The following SVIL variants were observed in gnomAD, a reference collection of about 807,000 sequenced individuals.
The protein encoded by SVIL is archvillin.
A neutral mutation model predicts 240.4 loss-of-function variants in SVIL; 101 were observed. The ratio of observed to expected loss-of-function variants is 0.42; its 90% CI spans 0.36 to 0.50. The LOEUF (loss-of-function observed/expected upper bound fraction) is 0.50. Ranked by LOEUF, SVIL falls within the 20% of genes least tolerant of loss-of-function variation. The pLI, the probability that SVIL is intolerant of heterozygous loss-of-function variation, is 0.01. For synonymous variants in SVIL, 999 were observed against 1,100.0 expected, an observed-to-expected ratio of 0.91 and a Z score of 1.82; for missense variants, 2,512 against 2,818.7, an observed-to-expected ratio of 0.89 and a Z score of 2.46.
At chr10:29,518,402 A>C (rs898506448) in intron 16 of SVIL, among the ~76,000 whole-genome samples, 2 of 151,978 alleles carry the variant, frequency 1.3e-5, no homozygotes, top group Non-Finnish European at 2.9e-5. Context: ...AAATAAACAA[A>C]TAAATAAATA....
intron 33 of SVIL, 144 bp from the exon 34 acceptor site, chr10:29,465,894 CT>C (rs1944852992): frequency 4.9e-6 from 5 of 1,011,224 alleles, no homozygotes; most frequent in Non-Finnish European, 1.4e-6. Flanking sequence ...TGGAGAAAGC[CT>C]TTTCAAGTGC....
intron 2 of SVIL, among the ~76,000 whole-genome samples, chr10:29,567,053 A>AT (rs1955031394): frequency 6.6e-6 from 1 of 151,962 alleles, no homozygotes; most frequent in Non-Finnish European, 1.5e-5. Flanking sequence ...CACCTTTTGG[A>AT]TTTTTTTCCA....
intron 22 of SVIL, among the ~76,000 whole-genome samples, chr10:29,489,651 G>A (rs977888443): frequency 6.6e-6 from 1 of 152,076 alleles, no homozygotes; most frequent in African/African-American, 2.4e-5. Context: ...GGGGTTTAGT[G>A]ATCCTCCCAC....
chr10:29,495,669 T>G (rs1345416538), intron 18 of SVIL, among the ~76,000 whole-genome samples: 1 of 152,150 alleles, frequency 6.6e-6, no homozygotes, highest in Admixed American at 6.5e-5. Flanking sequence ...GGCCAACCTT[T>G]CAGAAGAAAT....
chr10:29,459,968 G>A (rs1239816094), intron 36 of SVIL, among the ~76,000 whole-genome samples: 1 of 152,110 alleles, frequency 6.6e-6, no homozygotes, highest in Non-Finnish European at 1.5e-5. Context: ...GTGTGCACCT[G>A]TAGTCCTACC....
At chr10:29,732,649 C>T (rs1019513904) in intron 1 of SVIL, among the ~76,000 whole-genome samples, 4 of 152,152 alleles carry the variant, frequency 2.6e-5, no homozygotes, top group African/African-American at 9.7e-5. Context: ...GTCTCAAACT[C>T]TCCTTCCTCT....
upstream of SVIL, among the ~76,000 whole-genome samples, chr10:29,635,765 C>A (rs148206936): frequency 6.6e-6 from 1 of 152,170 alleles, no homozygotes; most frequent in Non-Finnish European, 1.5e-5. Context: ...CTGTCCCTGT[C>A]GGTACCAAGA....
At chr10:29,734,948 T>C (rs1013057787) in intron 1 of SVIL, among the ~76,000 whole-genome samples, 20 of 152,148 alleles carry the variant, frequency 1.3e-4, no homozygotes, top group Non-Finnish European at 1.5e-5. Context: ...GAACTTCTCA[T>C]TGCAATAAAC....
At chr10:29,488,379 T>C (rs1231682183) in intron 23 of SVIL, among the ~76,000 whole-genome samples, 2 of 152,192 alleles carry the variant, frequency 1.3e-5, no homozygotes, top group African/African-American at 4.8e-5. Context: ...TCCAGACACG[T>C]TCCTGCCTCT....
intron 1 of SVIL, among the ~76,000 whole-genome samples, chr10:29,622,102 T>G (rs1158263679): frequency 6.6e-6 from 1 of 150,442 alleles, no homozygotes; most frequent in Non-Finnish European, 1.5e-5. Flanking sequence ...TACAAAAAAT[T>G]AGCCGGGCGT....
chr10:29,678,899 T>C (rs1490931222), intron 2 of SVIL, among the ~76,000 whole-genome samples: 1 of 152,140 alleles, frequency 6.6e-6, no homozygotes, highest in Non-Finnish European at 1.5e-5. Flanking sequence ...TAGCAGCCTG[T>C]GTATAAAATT....
At chr10:29,704,583 T>C (rs1453500806) in intron 1 of SVIL, among the ~76,000 whole-genome samples, 2 of 152,164 alleles carry the variant, frequency 1.3e-5, no homozygotes. Context: ...TCATGTAGAG[T>C]AGGTCTCAAT....
chr10:29,499,659 C>T (rs1948723906), intron 17 of SVIL, among the ~76,000 whole-genome samples: 2 of 152,216 alleles, frequency 1.3e-5, no homozygotes, highest in African/African-American at 2.4e-5. Flanking sequence ...TCCCTATATA[C>T]TCACAAAGAA....
At chr10:29,673,448 A>G (rs928720412) in intron 2 of SVIL, among the ~76,000 whole-genome samples, 5 of 152,030 alleles carry the variant, frequency 3.3e-5, no homozygotes, top group African/African-American at 4.8e-5. Context: ...GAACTACCTG[A>G]GACTGAGTAA....
At chr10:29,602,047 G>A (rs1038328241) in intron 1 of SVIL, among the ~76,000 whole-genome samples, 2 of 152,128 alleles carry the variant, frequency 1.3e-5, no homozygotes, top group African/African-American at 2.4e-5. Context: ...TGGTATCTAC[G>A]TGAAAGATTT....
At chr10:29,463,468 C>T in intron 35 of SVIL, 24 bp downstream of exon 35, 1 of 1,610,924 alleles carries the variant, frequency 6.2e-7, no homozygotes, top group Non-Finnish European at 8.5e-7. Context: ...TTCCGTGCTG[C>T]AGGCATGTTA....
chr10:29,532,303 T>C (rs1031864493), intron 8 of SVIL, 131 bp from the exon 9 acceptor site: 4 of 1,251,580 alleles, frequency 3.2e-6, no homozygotes, highest in Middle Eastern at 2.8e-4. Context: ...GCCTCTACCA[T>C]GCACGTAAGG....
At chr10:29,636,969 T>G (rs535119350), upstream of SVIL, among the ~76,000 whole-genome samples, 12 of 152,198 alleles carry the variant, frequency 7.9e-5, no homozygotes, top group Admixed American at 7.2e-4. Flanking sequence ...ACTGGGCTAA[T>G]TTTTTAATTT....
intron 6 of SVIL, among the ~76,000 whole-genome samples, chr10:29,536,490 T>C (rs1951750650): frequency 1.3e-5 from 2 of 152,212 alleles, no homozygotes; most frequent in African/African-American, 2.4e-5. Context: ...CATTTTGCTA[T>C]AGAGTTCATA....
Sources: allele counts gnomAD v4.1 joint callset (sites outside exome capture counted in the v4.1 genomes callset), GRCh38; gene constraint gnomAD v4.1.1; transcripts MANE v1.5; gene names NCBI Gene and HGNC (gene_info 2026-07-23, HGNC 2026-07-21).